Variants in C1GALT1 observed in about 807,000 individuals in gnomAD.
The protein encoded by C1GALT1 is glycoprotein-N-acetylgalactosamine 3-beta-galactosyltransferase 1.
A neutral mutation model predicts 31.0 loss-of-function variants in C1GALT1; 11 were observed. The ratio of observed to expected loss-of-function variants is 0.36; its 90% CI spans 0.22 to 0.59. C1GALT1 has a LOEUF of 0.59. Among genes scored for constraint, C1GALT1 ranks in the 20% least tolerant of loss-of-function variants. The probability of loss-of-function intolerance (pLI) is 0.79; values close to 1 mark genes in which losing one functional copy is unlikely to be tolerated. For synonymous variants in C1GALT1, 175 were observed against 143.6 expected, an observed-to-expected ratio of 1.22 and a Z score of -1.56; for missense variants, 424 against 425.2, an observed-to-expected ratio of 1.00 and a Z score of 0.03.
chr7:7,228,788 TAAAAAC>T (rs1782925297), intron 1 of C1GALT1, among the ~76,000 whole-genome samples: 1 of 152,198 alleles, frequency 6.6e-6, no homozygotes, highest in East Asian at 1.9e-4. Flanking sequence ...ATTTTAAAGT[TAAAAAC>T]AATTACGTAA....
chr7:7,219,608 T>C (rs929200712), intron 1 of C1GALT1, among the ~76,000 whole-genome samples: 1 of 152,212 alleles, frequency 6.6e-6, no homozygotes, highest in Non-Finnish European at 1.5e-5. Flanking sequence ...AGATTCTCAC[T>C]AATTAAGAGT....
At position 7,160,633 on chromosome 7, in the gene C1GALT1, G is replaced by A. The variant is rs180991683; in HGVS notation, c.-18+3207G>A. 9.6e-4 allele frequency among the ~76,000 whole-genome samples: 146 copies of A among 152,240 alleles called. 2 individuals carry two copies. The highest frequency in any genetic ancestry group is 6.8e-3 in the Middle Eastern group (2 of 294). On this transcript the variant is annotated intron_variant, in intron 2 of 3. Coordinates refer to the C1GALT1 transcript ENST00000429911. ...TTCAGTAAAAGAGAAGTCAAGTTCA[G>A]TTCAAGACAGAAGTAAGGTTGGTTC...
intron 1 of C1GALT1, among the ~76,000 whole-genome samples, chr7:7,183,264 G>A (rs188018673): frequency 1.3e-5 from 2 of 151,842 alleles, no homozygotes; most frequent in Admixed American, 6.6e-5. Context: ...TGTGGGTCCC[G>A]CCGGACTGGG....
At chr7:7,214,891 G>T (rs143593947) in intron 1 of C1GALT1, among the ~76,000 whole-genome samples, 1 of 152,212 alleles carries the variant, frequency 6.6e-6, no homozygotes, top group African/African-American at 2.4e-5. Context: ...TGGCCCAGGA[G>T]CCATGCAGCT....
chr7:7,236,877 A>T (rs555643505), intron 2 of C1GALT1, among the ~76,000 whole-genome samples: 2 of 152,136 alleles, frequency 1.3e-5, no homozygotes, highest in Admixed American at 6.5e-5. Context: ...ATTCCCTCTC[A>T]GTTGGTTAAC....
At chr7:7,174,102 A>G (rs529645479) in intron 2 of C1GALT1, among the ~76,000 whole-genome samples, 108 of 151,908 alleles carry the variant, frequency 7.1e-4, no homozygotes, top group African/African-American at 2.5e-3. Context: ...TTCCTCGTGT[A>G]TGCTGAGAGA....
intron 1 of C1GALT1, among the ~76,000 whole-genome samples, chr7:7,227,668 C>T (rs998568507): frequency 1.3e-5 from 2 of 148,772 alleles, no homozygotes; most frequent in Admixed American, 6.7e-5. Context: ...TGCAGTGAGC[C>T]GAGATCCCGC....
At chr7:7,207,067 A>C in intron 1 of C1GALT1, among the ~76,000 whole-genome samples, 1 of 151,998 alleles carries the variant, frequency 6.6e-6, no homozygotes, top group Non-Finnish European at 1.5e-5. Context: ...ACTTGGGACT[A>C]TGACAGTGTT....
At chr7:7,190,882 C>G (rs1301331743) in intron 1 of C1GALT1, among the ~76,000 whole-genome samples, 1 of 151,954 alleles carries the variant, frequency 6.6e-6, no homozygotes, top group African/African-American at 2.4e-5. Flanking sequence ...TAAAATCTTC[C>G]TGTGTTTTAG....
chr7:7,208,212 TTAAAA>T (rs1263811961), intron 1 of C1GALT1, among the ~76,000 whole-genome samples: 6 of 151,676 alleles, frequency 4.0e-5, no homozygotes, highest in Non-Finnish European at 7.4e-5. Context: ...TTCAATAAAG[TTAAAA>T]TAAAGGTTCA....
rs1781697953 is a variant in C1GALT1, at chr7:7,205,413, G to A, written c.-18+22593G>A. Among the ~76,000 whole-genome samples the A allele has an allele frequency of 2.0e-5, 3 of 150,490 alleles. 1 individual carries two copies. The highest frequency in any genetic ancestry group is 4.4e-5 in the Non-Finnish European group (3 of 67,698). ...TAAACTACAGAAAATAATGTATTAA[G>A]AAAATTATAAAGGAGAGAATTTATT... On this transcript the variant is annotated intron_variant, in intron 1 of 3. Coordinates refer to ENST00000436587, the MANE Select transcript of C1GALT1 (RefSeq NM_020156.5).
At chr7:7,235,280 T>C (rs759210382) in intron 2 of C1GALT1, 1 of 152,210 alleles carries the variant, frequency 6.6e-6, no homozygotes, top group Non-Finnish European at 1.5e-5. Context: ...ACAATTGGAA[T>C]TCTGGGATGC....
At chr7:7,227,066 TTTC>T (rs887376632) in intron 1 of C1GALT1, among the ~76,000 whole-genome samples, 32 of 152,356 alleles carry the variant, frequency 2.1e-4, no homozygotes, top group Non-Finnish European at 2.8e-4. Flanking sequence ...TTTGTAAACT[TTTC>T]TTAATTTTTA....
intron 3 of C1GALT1, among the ~76,000 whole-genome samples, chr7:7,239,991 A>G (rs1235131359): frequency 1.3e-5 from 2 of 152,204 alleles, no homozygotes; most frequent in African/African-American, 4.8e-5. Flanking sequence ...TTCTGTTACT[A>G]ATAATGCCTT....
chr7:7,234,560 C>G, intron 2 of C1GALT1, 21 bp downstream of exon 2: 1 of 1,546,174 alleles, frequency 6.5e-7, no homozygotes, highest in Non-Finnish European at 8.9e-7. Context: ...CTTTATTAAG[C>G]AGTAAACATA....
intron 2 of C1GALT1, among the ~76,000 whole-genome samples, chr7:7,168,889 T>C (rs775044473): frequency 6.6e-6 from 1 of 152,246 alleles, no homozygotes; most frequent in Admixed American, 6.5e-5. Context: ...ACACAAAGTA[T>C]GACATTTTAA....
intron 1 of C1GALT1, among the ~76,000 whole-genome samples, chr7:7,208,217 A>G (rs1017385183): frequency 5.3e-5 from 8 of 151,696 alleles, no homozygotes; most frequent in Admixed American, 5.2e-4. Context: ...TAAAGTTAAA[A>G]TAAAGGTTCA....
chr7:7,187,220 T>C lies in C1GALT1; in HGVS notation c.-18+4400T>C, dbSNP rs530120325. On this transcript the variant is annotated intron_variant, in intron 1 of 3. Transcript: ENST00000436587. ...AGTTGTCCTCCTCAAAGGCAATTAG[T>C]GTTAAAAGTAGTCTTATCTCTATTC... Among the ~76,000 whole-genome samples the C allele has an allele frequency of 3.3e-5, 5 of 152,190 alleles. No individual in the cohort carries two copies. The East Asian group carries it at 5.8e-4, about 18-fold the overall frequency.
chr7:7,160,086 G>C (rs140215738), intron 2 of C1GALT1, among the ~76,000 whole-genome samples: 1 of 152,162 alleles, frequency 6.6e-6, no homozygotes, highest in East Asian at 1.9e-4. Context: ...TAAATTTCCT[G>C]ATTCTTACTC....
Sources: gnomAD v4.1 joint callset for allele counts (sites outside exome capture counted in the v4.1 genomes callset) on GRCh38, gnomAD v4.1.1 for gene constraint, MANE v1.5 for transcripts, NCBI Gene and HGNC (gene_info 2026-07-23, HGNC 2026-07-21) for gene names.